FAM222B: variants seen among roughly 807,000 people sequenced by gnomAD.
The protein encoded by FAM222B is protein FAM222B.
Under a neutral mutation model 38.0 loss-of-function variants are expected in FAM222B, and 12 were observed. The ratio of observed to expected loss-of-function variants is 0.32; its 90% CI spans 0.20 to 0.51. The LOEUF is 0.51. FAM222B is among the 20% of genes least tolerant of loss of function. The pLI is 0.97. For synonymous variants in FAM222B, 329 were observed against 317.2 expected (o/e 1.04, Z -0.40); for missense variants, 716 against 754.2 (o/e 0.95, Z 0.59).
At chr17:28,813,977 A>G (rs2037916567) in intron 1 of FAM222B, among the ~76,000 whole-genome samples, 1 of 151,958 alleles carries the variant, frequency 6.6e-6, no homozygotes, top group Non-Finnish European at 1.5e-5. Flanking sequence ...TGGGAGGCCA[A>G]CGTGGGCAGA....
chr17:28,777,543 G>A (rs912576107), intron 1 of FAM222B, among the ~76,000 whole-genome samples: 8 of 152,126 alleles, frequency 5.3e-5, no homozygotes, highest in Non-Finnish European at 1.0e-4. Context: ...TAAGACCACA[G>A]CCTGTCTCCT....
intron 1 of FAM222B, among the ~76,000 whole-genome samples, chr17:28,774,611 G>A (rs370838332): frequency 6.6e-6 from 1 of 152,074 alleles, no homozygotes; most frequent in Non-Finnish European, 1.5e-5. Flanking sequence ...CCCTGCCCCC[G>A]ACCAGAAGAG....
chr17:28,840,136 G>C (rs1468885446), intron 1 of FAM222B, among the ~76,000 whole-genome samples: 1 of 152,066 alleles, frequency 6.6e-6, no homozygotes, highest in South Asian at 2.1e-4. Context: ...AGCACTTTGG[G>C]AGGCCGAGGC....
chr17:28,847,642 C>T (rs1021369602), upstream of FAM222B, among the ~76,000 whole-genome samples: 6 of 150,698 alleles, frequency 4.0e-5, no homozygotes, highest in South Asian at 8.4e-4. Context: ...AGGCCGGGCG[C>T]GGTGGCTCAC....
intron 2 of FAM222B, among the ~76,000 whole-genome samples, chr17:28,760,720 CTT>C (rs2035032142): frequency 1.3e-5 from 2 of 152,216 alleles, no homozygotes; most frequent in Admixed American, 1.3e-4. Flanking sequence ...AGCTACGACT[CTT>C]CAGTCTGCAG....
At chr17:28,807,343 T>A (rs2037540545) in intron 1 of FAM222B, among the ~76,000 whole-genome samples, 1 of 151,920 alleles carries the variant, frequency 6.6e-6, no homozygotes, top group Non-Finnish European at 1.5e-5. Context: ...TGGAAATGAT[T>A]CTTGGGCTGA....
intron 1 of FAM222B, among the ~76,000 whole-genome samples, chr17:28,828,128 GA>G (rs2038508390): frequency 5.6e-5 from 1 of 17,720 alleles, no homozygotes; most frequent in Non-Finnish European, 1.2e-4. Flanking sequence ...TTTTTTTTTT[GA>G]GACAGAGTTT....
In FAM222B at chr17:28,804,697, C is replaced by G. The variant is rs535923740; in HGVS notation, c.-41+37985G>C. Among the ~76,000 whole-genome samples, 10 of 152,158 alleles carry G rather than the reference C, an allele frequency of 6.6e-5. No individual in the cohort carries two copies. In the South Asian group the frequency reaches 1.7e-3, roughly 25 times the overall value. On this transcript the variant is annotated intron_variant, in intron 1 of 2. Transcript: ENST00000581407. The stretch of plus-strand genomic sequence containing the variant: ...ACTGTCCCAAGGATACTACATTGAG[C>G]TGAATTTTTCTAGGTCCAGTACTGA...
At position 28,758,329 on chromosome 17, in the gene FAM222B, G is replaced by A. The variant is rs929885697; in HGVS notation, c.1630C>T (p.Arg544Ter). The A allele has an allele frequency of 1.2e-6, 2 of 1,610,964 alleles. No homozygotes were observed. The highest frequency in any genetic ancestry group is 1.7e-6 in the Non-Finnish European group (2 of 1,178,662). ...CGACTCTCTGTGGGATCGGGGGCTCGGTTGCCAGGGGCTCGGTGGGCCTTG... is the reference window on the plus strand; with the variant it reads ...CGACTCTCTGTGGGATCGGGGGCTCAGTTGCCAGGGGCTCGGTGGGCCTTG... ...LSKAHRAPGN[R>*]APDPTESRSL... Residue 544 changes from arginine (R) to a stop codon, truncating the protein, a stop_gained, in exon 3 of 3, where the codon CGA becomes TGA. Coordinates refer to ENST00000581407, the MANE Select transcript of FAM222B (RefSeq NM_001077498.3). LOFTEE classifies it high-confidence loss of function.
At chr17:28,808,836 A>G (rs759328803) in intron 1 of FAM222B, among the ~76,000 whole-genome samples, 2 of 152,300 alleles carry the variant, frequency 1.3e-5, no homozygotes, top group Non-Finnish European at 2.9e-5. Context: ...TGTGCCTCTA[A>G]TATTTTCTCA....
chr17:28,810,967 A>G (rs1382682112), intron 1 of FAM222B, among the ~76,000 whole-genome samples: 3 of 152,180 alleles, frequency 2.0e-5, no homozygotes, highest in Non-Finnish European at 4.4e-5. Flanking sequence ...TTCTGTCTTC[A>G]AAAGTGGACC....
In FAM222B at chr17:28,759,126, G is replaced by T. The variant is rs575911818; in HGVS notation, c.833C>A (p.Thr278Lys). 6.8e-6 allele frequency: 11 copies of T among 1,611,846 alleles called. No homozygotes were observed. Among genetic ancestry groups the T allele is most frequent in the Non-Finnish European group, 8.5e-6 (10 of 1,179,082 alleles). ...TGAGGTAGTGCTGATGCCTGCCCTC[G>T]TCTGGCAAAACTGGTTGATCTGGTG... ...IVHQINQFCQTRAGISTTSVC... is the reference protein window; with the variant it reads ...IVHQINQFCQKRAGISTTSVC... Residue 278 changes from threonine to lysine, a missense_variant, in exon 3 of 3, where the codon ACG becomes AAG. Thr to Lys is a moderately conservative substitution (Grantham distance 78, BLOSUM62 -1). Coordinates refer to ENST00000581407, the MANE Select transcript of FAM222B (RefSeq NM_001077498.3). The surrounding 1 kb of genome is among the most constrained non-coding windows in gnomAD (Gnocchi z 4.8).
chr17:28,790,884 C>CAATTTTTTTTTTTTTTTTTTTTTTTTT (rs71135852), intron 1 of FAM222B, among the ~76,000 whole-genome samples: 1 of 86,062 alleles, frequency 1.2e-5, no homozygotes, highest in African/African-American at 4.6e-5. Context: ...AATTGTTTCA[C>CAATTTTTTTTTTTTTTTTTTTTTTTTT]TTTTTTTTTT....
intron 1 of FAM222B, among the ~76,000 whole-genome samples, chr17:28,810,322 T>C (rs1249737953): frequency 6.6e-6 from 1 of 152,170 alleles, no homozygotes; most frequent in Non-Finnish European, 1.5e-5. Flanking sequence ...CTTCCCCAGC[T>C]TCCTATACCT....
chr17:28,776,757 A>G (rs1030167916), intron 1 of FAM222B, among the ~76,000 whole-genome samples: 2 of 152,088 alleles, frequency 1.3e-5, no homozygotes, highest in East Asian at 3.9e-4. Flanking sequence ...GGTGCCAGCC[A>G]AAAGACTCCT....
chr17:28,822,222 A>G (rs1010716912), intron 1 of FAM222B, among the ~76,000 whole-genome samples: 8 of 149,080 alleles, frequency 5.4e-5, no homozygotes, highest in African/African-American at 2.0e-4. Context: ...GGGTTTCACC[A>G]TACTGGCCAG....
At chr17:28,778,243 C>T (rs898897313) in intron 1 of FAM222B, among the ~76,000 whole-genome samples, 1 of 151,722 alleles carries the variant, frequency 6.6e-6, no homozygotes, top group African/African-American at 2.4e-5. Flanking sequence ...AATGCTCTCC[C>T]TCCCCTTACC....
chr17:28,771,257 G>A (rs1211937059), intron 1 of FAM222B, among the ~76,000 whole-genome samples: 2 of 152,128 alleles, frequency 1.3e-5, no homozygotes, highest in Admixed American at 6.5e-5. Context: ...TTTGGAAGCC[G>A]ATACACACCT....
At chr17:28,775,861 A>G (rs1309933424) in intron 1 of FAM222B, among the ~76,000 whole-genome samples, 1 of 151,218 alleles carries the variant, frequency 6.6e-6, no homozygotes, top group Non-Finnish European at 1.5e-5. Flanking sequence ...AGCCTGGGTG[A>G]CAGAGCAAGA....
Sources: allele counts gnomAD v4.1 joint callset (sites outside exome capture counted in the v4.1 genomes callset), GRCh38; gene constraint gnomAD v4.1.1; non-coding constraint Gnocchi (gnomAD v3.1); transcripts MANE v1.5; gene names NCBI Gene and HGNC (gene_info 2026-07-23, HGNC 2026-07-21).